Variants in ARHGAP44 observed in about 807,000 individuals in gnomAD.
The protein encoded by ARHGAP44 is rho GTPase-activating protein 44.
In ARHGAP44, 43 loss-of-function variants were observed where a neutral mutation model predicts 106.8. The observed-to-expected ratio is 0.40, with a 90% CI of 0.32 to 0.52. The LOEUF (loss-of-function observed/expected upper bound fraction) is 0.52, where lower values mean the gene tolerates loss of function less well. Ranked by LOEUF, ARHGAP44 falls within the 20% of genes least tolerant of loss-of-function variation. The pLI is 0.48. For synonymous variants in ARHGAP44, 439 were observed against 410.3 expected, an observed-to-expected ratio of 1.07 and a Z score of -0.85; for missense variants, 866 against 1,050.5, an observed-to-expected ratio of 0.82 and a Z score of 2.43.
chr17:12,842,773 A>G (rs922185844), intron 1 of ARHGAP44, among the ~76,000 whole-genome samples: 4 of 152,196 alleles, frequency 2.6e-5, no homozygotes, highest in Non-Finnish European at 4.4e-5. Context: ...TAGAAAAATA[A>G]TTGTCCCAAG....
intron 6 of ARHGAP44, among the ~76,000 whole-genome samples, chr17:12,923,304 A>G (rs569030318): frequency 6.6e-6 from 1 of 152,150 alleles, no homozygotes; most frequent in African/African-American, 2.4e-5. Context: ...TCCACCTCCC[A>G]GGTTCAAGCG....
intron 7 of ARHGAP44, among the ~76,000 whole-genome samples, chr17:12,933,664 G>C (rs2038463470): frequency 6.6e-6 from 1 of 152,208 alleles, no homozygotes; most frequent in Non-Finnish European, 1.5e-5. Flanking sequence ...AGAAGGACCT[G>C]TGAGCAATGA....
At chr17:12,979,938 C>T in intron 18 of ARHGAP44, 120 bp from the exon 19 acceptor site, 1 of 1,109,396 alleles carries the variant, frequency 9.0e-7, no homozygotes, top group South Asian at 1.7e-5. Flanking sequence ...CAAGACAGAC[C>T]AGAGCTGGGA....
chr17:12,795,050 C>T (rs2033878225), intron 1 of ARHGAP44, among the ~76,000 whole-genome samples: 1 of 152,160 alleles, frequency 6.6e-6, no homozygotes, highest in East Asian at 1.9e-4. Flanking sequence ...TTGTTCCTTC[C>T]CTTCTATTTC....
chr17:12,938,408 T>G (rs1257277667), intron 7 of ARHGAP44, among the ~76,000 whole-genome samples: 1 of 152,020 alleles, frequency 6.6e-6, no homozygotes, highest in Non-Finnish European at 1.5e-5. Context: ...TACAGTCACA[T>G]GATTAAAACT....
Position 12,903,682 on chromosome 17 carries a change from T to C in ARHGAP44, c.199-5215T>C, listed in dbSNP as rs150804601. Among the ~76,000 whole-genome samples, 202 of 152,300 alleles carry C rather than the reference T, an allele frequency of 1.3e-3. 3 individuals are homozygous for C. In the East Asian group the frequency reaches 0.037, roughly 28 times the overall value. ...TTCTTTAGTGGTGATTTCTGATATTTTGGTGCACCCATCACCTGAGTAGTG... is the reference window on the plus strand; with the variant it reads ...TTCTTTAGTGGTGATTTCTGATATTCTGGTGCACCCATCACCTGAGTAGTG... On this transcript the variant is annotated intron_variant, in intron 3 of 20. Transcript: ENST00000379672.
At chr17:12,887,619 G>A (rs2036920246) in intron 1 of ARHGAP44, among the ~76,000 whole-genome samples, 1 of 152,014 alleles carries the variant, frequency 6.6e-6, no homozygotes, top group African/African-American at 2.4e-5. Flanking sequence ...TTTTGGTCAT[G>A]TTTTGATATC....
chr17:12,977,100 C>T (rs1176106275), intron 18 of ARHGAP44, among the ~76,000 whole-genome samples: 1 of 151,966 alleles, frequency 6.6e-6, no homozygotes, highest in African/African-American at 2.4e-5. Context: ...TACTTGTGGG[C>T]AGGCAATGGC....
In ARHGAP44 at chr17:12,949,686, T is replaced by C; in HGVS notation, c.1011T>C (p.Pro337=). ...CTTACCTCCGAGAGTTGCCAGAACC[T>C]CTTATGACCTTTGAACTCTATGATG... The part of the protein sequence containing the change: ...LKSYLRELPE[P]LMTFELYDEW... Residue 337 remains proline (P), a synonymous_variant, in exon 12 of 21, where the codon CCT becomes CCC. Transcript: ENST00000379672. The surrounding 1 kb of genome is among the most constrained non-coding windows in gnomAD (Gnocchi z 4.1). 6.2e-7 allele frequency: 1 copy of C among 1,613,734 alleles called. No homozygotes were observed. Among genetic ancestry groups the C allele is most frequent in the Non-Finnish European group, 8.5e-7 (1 of 1,179,846 alleles).
rs188238459 is a variant in ARHGAP44, at chr17:12,962,292, T to C, written c.1523+3395T>C. On this transcript the variant is annotated intron_variant, in intron 16 of 20. Coordinates refer to ENST00000379672, the MANE Select transcript of ARHGAP44 (RefSeq NM_014859.6). ...GACTCTGGGCTTTGGTCCTGATGCC[T>C]TTCTGATTTGAAATGATGCAGGAAG... 7.2e-5 allele frequency among the ~76,000 whole-genome samples: 11 copies of C among 152,218 alleles called. No homozygotes were observed. The East Asian group carries it at 2.1e-3, about 29-fold the overall frequency.
At chr17:12,872,975 G>A (rs888374893) in intron 1 of ARHGAP44, among the ~76,000 whole-genome samples, 9 of 152,228 alleles carry the variant, frequency 5.9e-5, no homozygotes, top group South Asian at 2.1e-4. Flanking sequence ...CGACATTAGC[G>A]TAACCATGCC....
chr17:12,977,430 C>T (rs141012115), intron 18 of ARHGAP44, among the ~76,000 whole-genome samples: 403 of 152,198 alleles, frequency 2.6e-3, no homozygotes, highest in Middle Eastern at 6.8e-3. Context: ...CCCACCTTCC[C>T]ACTCCCTACC....
chr17:12,807,602 C>G (rs968294088), intron 1 of ARHGAP44, among the ~76,000 whole-genome samples: 2 of 152,190 alleles, frequency 1.3e-5, no homozygotes, highest in East Asian at 3.8e-4. Flanking sequence ...GTCACTATCA[C>G]AAGCACAGCA....
chr17:12,863,112 A>ACCTC (rs2036136678), intron 1 of ARHGAP44, among the ~76,000 whole-genome samples: 1 of 152,112 alleles, frequency 6.6e-6, no homozygotes, highest in South Asian at 2.1e-4. Flanking sequence ...ACAAAGTGAG[A>ACCTC]CCTCGTCTCT....
intron 1 of ARHGAP44, among the ~76,000 whole-genome samples, chr17:12,820,530 T>C (rs1021119174): frequency 4.6e-5 from 7 of 152,184 alleles, no homozygotes; most frequent in Non-Finnish European, 1.0e-4. Flanking sequence ...GTGGTGTCTG[T>C]ACTGTGTTCC....
chr17:12,913,294 A>G (rs889780039), intron 4 of ARHGAP44, among the ~76,000 whole-genome samples: 1 of 152,160 alleles, frequency 6.6e-6, no homozygotes, highest in Non-Finnish European at 1.5e-5. Flanking sequence ...CAGACAAACT[A>G]GGAAAGTGGC....
At chr17:12,796,878 T>C (rs546415087) in intron 1 of ARHGAP44, among the ~76,000 whole-genome samples, 2 of 152,224 alleles carry the variant, frequency 1.3e-5, no homozygotes, top group African/African-American at 4.8e-5. Context: ...GTGCTGGGAT[T>C]ACAGGTGTAA....
At chr17:12,968,657 G>A (rs997957783) in intron 16 of ARHGAP44, among the ~76,000 whole-genome samples, 1 of 152,012 alleles carries the variant, frequency 6.6e-6, no homozygotes, top group African/African-American at 2.4e-5. Flanking sequence ...AGAGCCCCGC[G>A]AGACTAAGAA....
In ARHGAP44 at chr17:12,896,416, C is replaced by A. The variant is rs1242070271; in HGVS notation, c.103C>A (p.Arg35Ser). 3.1e-6 allele frequency: 5 copies of A among 1,599,832 alleles called. No homozygotes were observed. Among genetic ancestry groups the A allele is most frequent in the Non-Finnish European group, 4.3e-6 (5 of 1,173,694 alleles). ...GCTCTTCTCTCTGCAGGTGGAGAAG[C>A]GTCTGGAGCTGGTGAAACAGGTGTC... is the stretch of plus-strand genomic sequence containing the variant. ...LSEDLLQVEK[R>S]LELVKQVSHS... The change falls in exon 3 of 21, where the codon CGT becomes AGT. Residue 35 changes from arginine (R) to serine (S), a missense_variant. Physicochemically the swap from Arg to Ser is moderately radical, Grantham distance 110. Around this residue, in one of 2 missense-constraint regions of ARHGAP44, gnomAD observed 448 missense variants for 646.9 expected, o/e 0.69. Coordinates refer to ENST00000379672, the MANE Select transcript of ARHGAP44 (RefSeq NM_014859.6).
Sources: allele counts gnomAD v4.1 joint callset (sites outside exome capture counted in the v4.1 genomes callset), GRCh38; gene constraint gnomAD v4.1.1; regional missense constraint gnomAD v4.1.1; non-coding constraint Gnocchi (gnomAD v3.1); transcripts MANE v1.5; gene names NCBI Gene and HGNC (gene_info 2026-07-23, HGNC 2026-07-21).